SERINC5: variants seen among roughly 807,000 people sequenced by gnomAD.
The protein encoded by SERINC5 is serine incorporator 5, also known as chromosome 5 open reading frame 12.
A neutral mutation model predicts 63.1 loss-of-function variants in SERINC5; 41 were observed. The observed-to-expected ratio is 0.65, with a 90% CI of 0.51 to 0.84. The LOEUF (loss-of-function observed/expected upper bound fraction) is 0.84. Among genes scored for constraint, SERINC5 ranks in the 40% least tolerant of loss-of-function variants. The pLI, the probability that SERINC5 is intolerant of heterozygous loss-of-function variation, is 0.00. For missense variants in SERINC5, 523 were observed against 573.0 expected (o/e 0.91, Z 0.89); for synonymous variants, 222 against 215.2 (o/e 1.03, Z -0.28).
At chr5:80,201,781 C>CA (rs1749852122) in intron 2 of SERINC5, among the ~76,000 whole-genome samples, 2 of 152,146 alleles carry the variant, frequency 1.3e-5, no homozygotes, top group South Asian at 4.1e-4. Flanking sequence ...AAAGAACGGC[C>CA]AAAAATCCAC....
chr5:80,243,728 A>G lies in SERINC5; in HGVS notation c.27+12168T>C, dbSNP rs975842038. The stretch of plus-strand genomic sequence containing the variant: ...TGGGACCAGCCTGGGCAACATAGTG[A>G]GAGCCTGTCTCTATTTAAATAAATA... On this transcript the variant is annotated intron_variant, in intron 1 of 11. Coordinates refer to ENST00000507668, the MANE Select transcript of SERINC5 (RefSeq NM_001174072.3). Among the ~76,000 whole-genome samples, 5 of 149,854 alleles carry G rather than the reference A, an allele frequency of 3.3e-5. No individual in the cohort carries two copies. In the Admixed American group the frequency reaches 3.4e-4, roughly 10 times the overall value.
rs577106528 is a variant in SERINC5, at chr5:80,242,522, C to T, written c.27+13374G>A. On this transcript the variant is annotated intron_variant, in intron 1 of 11. Transcript: ENST00000507668. ...TAATCCCAGCATTTGGGAGGCGAGGCGGGTGGATCACGAGGTCAAGAGTTT... is the reference window on the plus strand; with the variant it reads ...TAATCCCAGCATTTGGGAGGCGAGGTGGGTGGATCACGAGGTCAAGAGTTT... 6.4e-3 allele frequency among the ~76,000 whole-genome samples: 972 copies of T among 151,640 alleles called. 5 individuals carry two copies. The highest frequency in any genetic ancestry group is 0.028 in the Middle Eastern group (8 of 286).
chr5:80,135,568 C>CTTACACTTTT, downstream of SERINC5, among the ~76,000 whole-genome samples: 1 of 152,182 alleles, frequency 6.6e-6, no homozygotes, highest in South Asian at 2.1e-4. Context: ...TGTATGAAAT[C>CTTACACTTTT]TGAATAAGGT....
chr5:80,253,980 G>C (rs1044340213), intron 1 of SERINC5, among the ~76,000 whole-genome samples: 1 of 152,174 alleles, frequency 6.6e-6, no homozygotes, highest in Non-Finnish European at 1.5e-5. Context: ...GCCCAGGCTT[G>C]AGTGCAATGG....
At chr5:80,188,769 T>C (rs1056096581) in intron 2 of SERINC5, among the ~76,000 whole-genome samples, 1 of 152,050 alleles carries the variant, frequency 6.6e-6, no homozygotes, top group Non-Finnish European at 1.5e-5. Flanking sequence ...ACGCCTGTAG[T>C]CCCAGTTACT....
intron 5 of SERINC5, among the ~76,000 whole-genome samples, chr5:80,173,283 A>AGG (rs1337259439): frequency 2.7e-5 from 4 of 150,188 alleles, no homozygotes; most frequent in East Asian, 2.0e-4. Context: ...GGAAGGAAGA[A>AGG]AATGAAATGA....
At chr5:80,177,635 G>T (rs951989243) in intron 3 of SERINC5, among the ~76,000 whole-genome samples, 3 of 152,174 alleles carry the variant, frequency 2.0e-5, no homozygotes, top group African/African-American at 7.2e-5. Flanking sequence ...AAATGACCTG[G>T]GGGAAGGTCT....
chr5:80,197,308 T>TGAGAGAGAGAGAGA (rs34195156), intron 2 of SERINC5, among the ~76,000 whole-genome samples: 2 of 137,086 alleles, frequency 1.5e-5, no homozygotes, highest in African/African-American at 2.7e-5. Flanking sequence ...ACTCCATCTG[T>TGAGAGAGAGAGAGA]GAGAGAGAGA....
intron 1 of SERINC5, among the ~76,000 whole-genome samples, chr5:80,245,429 T>C (rs1279461863): frequency 1.3e-5 from 2 of 151,998 alleles, no homozygotes; most frequent in Non-Finnish European, 2.9e-5. Context: ...TTCCAAAAGA[T>C]AAAAGGTGCA....
chr5:80,207,890 T>C (rs1187022862), intron 1 of SERINC5, among the ~76,000 whole-genome samples: 1 of 152,212 alleles, frequency 6.6e-6, no homozygotes, highest in Non-Finnish European at 1.5e-5. Flanking sequence ...TATGTTAGCA[T>C]CTAGGGAAAT....
At chr5:80,175,749 A>C (rs1747985979) in intron 4 of SERINC5, among the ~76,000 whole-genome samples, 1 of 150,296 alleles carries the variant, frequency 6.7e-6, no homozygotes, top group Non-Finnish European at 1.5e-5. Flanking sequence ...CTGTAATCCC[A>C]TCTACTCAGG....
chr5:80,134,896 G>A (rs1745098360), downstream of SERINC5, among the ~76,000 whole-genome samples: 1 of 152,198 alleles, frequency 6.6e-6, no homozygotes, highest in South Asian at 2.1e-4. Context: ...ATCTAACACA[G>A]TGAATCCCAG....
chr5:80,156,656 G>A (rs1185502899), intron 8 of SERINC5, among the ~76,000 whole-genome samples: 4 of 152,080 alleles, frequency 2.6e-5, no homozygotes, highest in African/African-American at 9.7e-5. Context: ...GTTTGTTGCT[G>A]GTATTTAGAC....
In SERINC5 at chr5:80,142,065, C is replaced by T; in HGVS notation, c.*1598G>A. ...ATTCTGCCCAACTCATACAGTAGGG[C>T]ACAGAAAAAAATGACTAGGCTGAGC... On this transcript the variant is annotated 3_prime_UTR_variant, in exon 12 of 12. Coordinates refer to ENST00000507668, the MANE Select transcript of SERINC5 (RefSeq NM_001174072.3). The T allele has an allele frequency of 2.0e-6, 2 of 985,356 alleles. No individual in the cohort carries two copies. Among genetic ancestry groups the T allele is most frequent in the Non-Finnish European group, 2.4e-6 (2 of 829,908 alleles). 61.0% of individuals were successfully genotyped at this position (985,356 alleles called of 1,614,324 possible).
At chr5:80,156,375 C>G (rs1746519014) in intron 8 of SERINC5, among the ~76,000 whole-genome samples, 1 of 152,136 alleles carries the variant, frequency 6.6e-6, no homozygotes, top group African/African-American at 2.4e-5. Context: ...CCTTTTATTC[C>G]CAGGCCCTAC....
chr5:80,245,016 A>G (rs1293550803), intron 1 of SERINC5, among the ~76,000 whole-genome samples: 1 of 152,092 alleles, frequency 6.6e-6, no homozygotes, highest in Non-Finnish European at 1.5e-5. Context: ...CTTGACTTCA[A>G]GTTGTCGTCT....
intron 2 of SERINC5, among the ~76,000 whole-genome samples, chr5:80,185,570 C>T (rs373212827): frequency 6.6e-6 from 1 of 152,130 alleles, no homozygotes; most frequent in Non-Finnish European, 1.5e-5. Flanking sequence ...TTTTAATCAC[C>T]TGGGTGCAGG....
chr5:80,176,324 G>C (rs1430707552), intron 4 of SERINC5, among the ~76,000 whole-genome samples: 1 of 152,200 alleles, frequency 6.6e-6, no homozygotes, highest in South Asian at 2.1e-4. Flanking sequence ...GCAAGACTTA[G>C]GGAGTACATG....
At chr5:80,129,798 C>T (rs1744871966) in intron 11 of SERINC5, among the ~76,000 whole-genome samples, 1 of 152,100 alleles carries the variant, frequency 6.6e-6, no homozygotes, top group African/African-American at 2.4e-5. Context: ...ATAGTTGAAA[C>T]TATTATTAAC....
Sources: gnomAD v4.1 joint callset for allele counts (sites outside exome capture counted in the v4.1 genomes callset) on GRCh38, gnomAD v4.1.1 for gene constraint, MANE v1.5 for transcripts, NCBI Gene and HGNC (gene_info 2026-07-23, HGNC 2026-07-21) for gene names.